Variants in OR1F1 observed in about 807,000 individuals in gnomAD.
The protein encoded by OR1F1 is olfactory receptor 1F1.
For synonymous variants in OR1F1, 184 were observed against 156.7 expected, an observed-to-expected ratio of 1.17 and a Z score of -1.30; for missense variants, 493 against 376.3, an observed-to-expected ratio of 1.31 and a Z score of -2.57.
the OR1F1 span, among the ~76,000 whole-genome samples, chr16:3,196,658 G>C: frequency 2.0e-5 from 3 of 151,066 alleles, no homozygotes; most frequent in African/African-American, 7.3e-5. Context: ...AAAGTGCTGG[G>C]ATTACAGATG....
chr16:3,195,607 G>A, the OR1F1 span, among the ~76,000 whole-genome samples: 1 of 151,394 alleles, frequency 6.6e-6, no homozygotes, highest in Non-Finnish European at 1.5e-5. Flanking sequence ...GCTGGAGCCC[G>A]GGAGTTGGAG....
chr16:3,189,357 G>T, the OR1F1 span, among the ~76,000 whole-genome samples: 2 of 152,160 alleles, frequency 1.3e-5, no homozygotes, highest in Non-Finnish European at 2.9e-5. Flanking sequence ...TGCGCGCCTC[G>T]GAGACGCCGA....
chr16:3,188,250 C>A, the OR1F1 span: 6 of 151,758 alleles, frequency 4.0e-5, no homozygotes, highest in African/African-American at 1.5e-4. Context: ...ATTGGCAGGG[C>A]CTCAGTGGAG....
At chr16:3,203,198 C>G (rs1483245547), upstream of OR1F1, among the ~76,000 whole-genome samples, 1 of 152,192 alleles carries the variant, frequency 6.6e-6, no homozygotes, top group Non-Finnish European at 1.5e-5. Flanking sequence ...GGGACAATTA[C>G]TCTCTGCTTT....
Position 3,204,508 on chromosome 16 carries a change from G to A in OR1F1, c.262G>A (p.Glu88Lys), listed in dbSNP as rs150333046. The change falls in exon 1 of 1, where the codon GAG (glutamate) becomes AAG (lysine). Residue 88 changes from glutamate to lysine, a missense_variant. Coordinates refer to ENST00000304646, the Ensembl canonical transcript of OR1F1. The stretch of plus-strand genomic sequence containing the variant: ...CAAGATGCTGGCCAATCACATACTC[G>A]AGACTCAGACCATCTCCTTCTGTGG... 1.5e-5 allele frequency: 24 copies of A among 1,614,088 alleles called. No individual in the cohort carries two copies. In the African/African-American group the frequency reaches 1.7e-4, roughly 12 times the overall value.
upstream of OR1F1, among the ~76,000 whole-genome samples, chr16:3,199,483 T>A (rs1027796587): frequency 6.6e-6 from 1 of 151,982 alleles, no homozygotes; most frequent in Non-Finnish European, 1.5e-5. Flanking sequence ...TGAGACATCA[T>A]CTTTACAAAA....
At chr16:3,201,386 G>T (rs1248325779), upstream of OR1F1, among the ~76,000 whole-genome samples, 1 of 152,148 alleles carries the variant, frequency 6.6e-6, no homozygotes, top group African/African-American at 2.4e-5. Context: ...GCTCCTGGGG[G>T]AACAACCCAA....
At chr16:3,195,128 C>T in the OR1F1 span, among the ~76,000 whole-genome samples, 1 of 152,340 alleles carries the variant, frequency 6.6e-6, no homozygotes, top group South Asian at 2.1e-4. Flanking sequence ...GTGCTTCTTG[C>T]TCAGAGCCCG....
At chr16:3,189,116 G>A in the OR1F1 span, among the ~76,000 whole-genome samples, 244 of 152,348 alleles carry the variant, frequency 1.6e-3, 1 homozygote, top group African/African-American at 5.4e-3. Context: ...CTTCCCTGGG[G>A]AGAAGGGAGG....
At chr16:3,200,299 A>G (rs957615896), upstream of OR1F1, among the ~76,000 whole-genome samples, 3 of 152,152 alleles carry the variant, frequency 2.0e-5, no homozygotes, top group Non-Finnish European at 2.9e-5. Context: ...ACCCAGGGAT[A>G]TGTTTTTTAC....
the OR1F1 span, among the ~76,000 whole-genome samples, chr16:3,199,113 T>C: frequency 1.7e-4 from 4 of 24,226 alleles, no homozygotes; most frequent in Non-Finnish European, 7.6e-5. Flanking sequence ...ATCCTGTCTC[T>C]ACAAAAAAAA....
At chr16:3,192,629 C>A in the OR1F1 span, among the ~76,000 whole-genome samples, 18 of 152,242 alleles carry the variant, frequency 1.2e-4, no homozygotes, top group Admixed American at 1.1e-3. Context: ...TCCACGATCC[C>A]GGGGGGCGTC....
downstream of OR1F1, among the ~76,000 whole-genome samples, chr16:3,205,459 G>C (rs1480733166): frequency 6.6e-6 from 1 of 151,500 alleles, no homozygotes; most frequent in Non-Finnish European, 1.5e-5. Context: ...GGGACCACAG[G>C]TGTGTGCCAC....
chr16:3,200,372 C>T (rs754242184), upstream of OR1F1, among the ~76,000 whole-genome samples: 1 of 152,022 alleles, frequency 6.6e-6, no homozygotes, highest in Non-Finnish European at 1.5e-5. Flanking sequence ...TTTCGGAGGC[C>T]GAGAGGGGCG....
At chr16:3,197,616 G>GGAGA in the OR1F1 span, among the ~76,000 whole-genome samples, 1 of 1,852 alleles carries the variant, frequency 5.4e-4, no homozygotes, top group Middle Eastern at 0.05. Context: ...CCTGCTGCTG[G>GGAGA]GGGCCAGTTC....
At chr16:3,197,671 T>G in the OR1F1 span, among the ~76,000 whole-genome samples, 1 of 108,678 alleles carries the variant, frequency 9.2e-6, no homozygotes, top group Middle Eastern at 4.4e-3. Flanking sequence ...TTAAATGGGC[T>G]GGGGAGAGAG....
the OR1F1 span, chr16:3,188,327 G>A: frequency 6.6e-6 from 1 of 151,264 alleles, no homozygotes; most frequent in Non-Finnish European, 1.5e-5. Flanking sequence ...ATGGGATCCA[G>A]CGCTGCCAAC....
downstream of OR1F1, chr16:3,205,301 T>C (rs1958192771): frequency 1.4e-6 from 1 of 729,942 alleles, no homozygotes; most frequent in Non-Finnish European, 2.2e-6. Context: ...TTAGTAATTA[T>C]ACTAAGTTAA....
chr16:3,199,928 A>G (rs575166704), upstream of OR1F1, among the ~76,000 whole-genome samples: 337 of 152,012 alleles, frequency 2.2e-3, 2 homozygotes, highest in African/African-American at 7.5e-3. Flanking sequence ...AGGCAGGAGA[A>G]TCGCTTGAAC....
Sources: allele counts gnomAD v4.1 joint callset (sites outside exome capture counted in the v4.1 genomes callset), GRCh38; gene constraint gnomAD v4.1.1; transcripts MANE v1.5; gene names NCBI Gene and HGNC (gene_info 2026-07-23, HGNC 2026-07-21).